The following THADA variants were observed in gnomAD, a reference collection of about 807,000 sequenced individuals.
The protein encoded by THADA is THADA armadillo repeat containing.
A neutral mutation model predicts 219.8 loss-of-function variants in THADA; 213 were observed. The observed-to-expected ratio is 0.97, with a 90% CI of 0.87 to 1.09. THADA has a LOEUF of 1.09. Ranked by LOEUF, THADA falls within the 50% of genes least tolerant of loss-of-function variation. The pLI is 0.00. For missense variants in THADA, 2,956 were observed against 2,311.3 expected (o/e 1.28, Z -5.72); for synonymous variants, 1,018 against 828.9 (o/e 1.23, Z -3.92).
At chr2:43,295,175 G>A (rs771131707) in intron 31 of THADA, among the ~76,000 whole-genome samples, 8 of 152,240 alleles carry the variant, frequency 5.3e-5, no homozygotes, top group Admixed American at 2.6e-4. Flanking sequence ...TGCTGACACT[G>A]CATTCCAGCC....
At chr2:43,565,340 G>C (rs567743561) in intron 15 of THADA, 114 of 151,118 alleles carry the variant, frequency 7.5e-4, no homozygotes, top group African/African-American at 2.6e-3. Flanking sequence ...TCAGGAGGCT[G>C]AGACAGGAGA....
intron 14 of THADA, among the ~76,000 whole-genome samples, chr2:43,568,991 C>T (rs1574298828): frequency 6.6e-6 from 1 of 152,066 alleles, no homozygotes; most frequent in East Asian, 1.9e-4. Flanking sequence ...TTTTTTGAAG[C>T]AGGGTCTCGC....
intron 26 of THADA, among the ~76,000 whole-genome samples, chr2:43,474,012 T>C (rs13409687): frequency 0.14 from 21,870 of 152,050 alleles, 2,133 homozygotes; most frequent in African/African-American, 0.28. Flanking sequence ...TCATAGGGGA[T>C]AGGAATTTTT....
chr2:43,348,407 G>A (rs1667883251), intron 29 of THADA, among the ~76,000 whole-genome samples: 1 of 152,024 alleles, frequency 6.6e-6, no homozygotes, highest in African/African-American at 2.4e-5. Context: ...TTAAACTTTC[G>A]GAGAATCAAG....
At position 43,230,953 on chromosome 2, in the gene THADA, A is replaced by G. The variant is rs768388851; in HGVS notation, c.5857T>C (p.Cys1953Arg). The G allele has an allele frequency of 2.5e-6, 4 of 1,602,856 alleles. No homozygotes were observed. Among genetic ancestry groups the G allele is most frequent in the Admixed American group, 1.7e-5 (1 of 59,460 alleles). Residue 1953 changes from cysteine to arginine, a missense_variant, in exon 38 of 38, where the codon TGT becomes CGT. Coordinates refer to ENST00000405975, the MANE Select transcript of THADA (RefSeq NM_022065.5). The stretch of plus-strand genomic sequence containing the variant: ...CCCAATCCCCCAGATTTTCTTCAAC[A>G]TGCCGCTTCTGTTCTTGGAAGAGTT... ...QLTLPRTEAA[C>R]
chr2:43,331,019 T>G (rs1291321533), intron 30 of THADA, among the ~76,000 whole-genome samples: 1 of 152,204 alleles, frequency 6.6e-6, no homozygotes, highest in Non-Finnish European at 1.5e-5. Context: ...GGAGTTAGGG[T>G]GCTTCTCTTA....
chr2:43,397,240 A>G (rs1047251798), intron 29 of THADA, among the ~76,000 whole-genome samples: 4 of 152,172 alleles, frequency 2.6e-5, no homozygotes, highest in Non-Finnish European at 4.4e-5. Context: ...AACTCTGTTC[A>G]TAAACCAGGA....
chr2:43,537,588 C>T (rs190500710), intron 21 of THADA, among the ~76,000 whole-genome samples: 2 of 152,212 alleles, frequency 1.3e-5, no homozygotes, highest in Non-Finnish European at 2.9e-5. Context: ...TACAGAAAAT[C>T]TAAAGTAATA....
chr2:43,292,475 T>G (rs901337130), intron 32 of THADA, among the ~76,000 whole-genome samples: 2 of 152,218 alleles, frequency 1.3e-5, no homozygotes, highest in African/African-American at 4.8e-5. Flanking sequence ...CTTTTGATTA[T>G]GCTTCCCAGG....
chr2:43,536,844 T>C (rs1483761313), intron 21 of THADA, among the ~76,000 whole-genome samples: 1 of 152,210 alleles, frequency 6.6e-6, no homozygotes, highest in East Asian at 1.9e-4. Context: ...AGAACCTACT[T>C]CACAGGATTA....
At chr2:43,248,196 G>T (rs1247665118) in intron 36 of THADA, among the ~76,000 whole-genome samples, 1 of 136,022 alleles carries the variant, frequency 7.4e-6, no homozygotes, top group Non-Finnish European at 1.6e-5. Context: ...GAGAGAGAGA[G>T]AGAGAGAGAG....
intron 1 of THADA, among the ~76,000 whole-genome samples, chr2:43,593,109 TGCAAATA>T (rs949658207): frequency 7.2e-5 from 11 of 152,108 alleles, no homozygotes; most frequent in African/African-American, 2.7e-4. Flanking sequence ...GTATTTATGA[TGCAAATA>T]TTAGAGACTA....
At chr2:43,580,024 CTTTTTTTTTTTT>C (rs34171011) in intron 8 of THADA, among the ~76,000 whole-genome samples, 1 of 122,834 alleles carries the variant, frequency 8.1e-6, no homozygotes, top group Non-Finnish European at 1.7e-5. Flanking sequence ...AAAGCTACTT[CTTTTTTTTTTTT>C]TTTTTTTGAG....
chr2:43,514,999 A>ATAAATATAT (rs544684047), intron 22 of THADA, among the ~76,000 whole-genome samples: 1 of 47,456 alleles, frequency 2.1e-5, no homozygotes, highest in African/African-American at 1.1e-4. Context: ...TATAATATAT[A>ATAAATATAT]ATATTATATA....
chr2:43,585,233 G>A (rs1326906718), intron 7 of THADA, among the ~76,000 whole-genome samples: 1 of 151,730 alleles, frequency 6.6e-6, no homozygotes, highest in Non-Finnish European at 1.5e-5. Context: ...TACCCTGGCT[G>A]GGCACAGTGG....
intron 35 of THADA, among the ~76,000 whole-genome samples, chr2:43,283,751 C>G (rs944397058): frequency 6.6e-6 from 1 of 152,154 alleles, no homozygotes; most frequent in Non-Finnish European, 1.5e-5. Flanking sequence ...TATGCATGAA[C>G]AAAGAGATTA....
chr2:43,354,786 T>C (rs1398217703), intron 29 of THADA, among the ~76,000 whole-genome samples: 2 of 152,150 alleles, frequency 1.3e-5, no homozygotes, highest in South Asian at 2.1e-4. Context: ...CCAAATCTCA[T>C]CTTGTGGTTC....
chr2:43,542,778 T>A (rs1239009569), intron 20 of THADA, among the ~76,000 whole-genome samples: 1 of 152,166 alleles, frequency 6.6e-6, no homozygotes, highest in Non-Finnish European at 1.5e-5. Context: ...TCAAGGCAGG[T>A]TTTATCACTC....
chr2:43,520,903 A>AGGAG (rs370276305), intron 22 of THADA, among the ~76,000 whole-genome samples: 8,558 of 137,714 alleles, frequency 0.062, 306 homozygotes, highest in South Asian at 0.11. Context: ...TTCTTAAAGA[A>AGGAG]GGAGGGAGGG....
Sources: gnomAD v4.1 joint callset for allele counts (sites outside exome capture counted in the v4.1 genomes callset) on GRCh38, gnomAD v4.1.1 for gene constraint, MANE v1.5 for transcripts, NCBI Gene and HGNC (gene_info 2026-07-23, HGNC 2026-07-21) for gene names.